DAB2IP: variants seen among roughly 807,000 people sequenced by gnomAD.
DAB2IP encodes the protein disabled homolog 2-interacting protein.
In DAB2IP, 28 loss-of-function variants were observed where a neutral mutation model predicts 107.2. That is an observed-to-expected ratio of 0.26 (90% CI 0.19 to 0.36). DAB2IP has a LOEUF of 0.36. DAB2IP is among the 10% of genes least tolerant of loss of function. DAB2IP has a pLI of 1.00. For synonymous variants in DAB2IP, 755 were observed against 706.4 expected, an observed-to-expected ratio of 1.07 and a Z score of -1.09; for missense variants, 1,400 against 1,644.7, an observed-to-expected ratio of 0.85 and a Z score of 2.57.
At chr9:121,625,514 G>A (rs563340964) in intron 1 of DAB2IP, among the ~76,000 whole-genome samples, 20 of 152,112 alleles carry the variant, frequency 1.3e-4, no homozygotes, top group Admixed American at 5.9e-4. Flanking sequence ...TGCCTGCCCC[G>A]GCCTCCCAGA....
chr9:121,713,069 G>A (rs1303683522), intron 3 of DAB2IP, among the ~76,000 whole-genome samples: 2 of 152,214 alleles, frequency 1.3e-5, no homozygotes, highest in African/African-American at 4.8e-5. Context: ...CAGCATTTAT[G>A]TGGCACCTTG....
intron 1 of DAB2IP, among the ~76,000 whole-genome samples, chr9:121,573,582 C>T (rs1206715655): frequency 6.6e-6 from 1 of 151,848 alleles, no homozygotes; most frequent in Non-Finnish European, 1.5e-5. Flanking sequence ...TGGGGTTTTG[C>T]CATGTGAGCA....
At chr9:121,601,281 A>G (rs1350928948) in intron 1 of DAB2IP, among the ~76,000 whole-genome samples, 1 of 152,202 alleles carries the variant, frequency 6.6e-6, no homozygotes, top group Non-Finnish European at 1.5e-5. Context: ...GTCACCTTCA[A>G]GATCACCTGG....
chr9:121,768,568 G>A (rs1272768392), exon 10 of DAB2IP: 4 of 1,613,988 alleles, frequency 2.5e-6, no homozygotes, highest in Non-Finnish European at 3.4e-6. Flanking sequence ...GGGCTACATC[G>A]ACCTGGGCCG....
intron 3 of DAB2IP, among the ~76,000 whole-genome samples, chr9:121,719,440 A>G (rs904983533): frequency 1.2e-4 from 18 of 152,188 alleles, no homozygotes; most frequent in African/African-American, 4.3e-4. Context: ...AGGGAACCCC[A>G]TGAGCCTAGT....
intron 8 of DAB2IP, among the ~76,000 whole-genome samples, chr9:121,764,867 G>T (rs573437763): frequency 1.3e-5 from 2 of 152,320 alleles, no homozygotes; most frequent in Admixed American, 1.3e-4. Flanking sequence ...ATCAGGATAG[G>T]GTTGTGCCTG....
intron 6 of DAB2IP, among the ~76,000 whole-genome samples, chr9:121,762,030 C>T (rs1412105143): frequency 1.3e-5 from 2 of 152,122 alleles, no homozygotes; most frequent in Non-Finnish European, 2.9e-5. Flanking sequence ...CCCAAAGGCC[C>T]TCAGTGGGAT....
At chr9:121,636,223 G>A (rs991986343) in intron 1 of DAB2IP, among the ~76,000 whole-genome samples, 1 of 152,058 alleles carries the variant, frequency 6.6e-6, no homozygotes, top group Non-Finnish European at 1.5e-5. Context: ...TGTCTTTTGG[G>A]GGTGGAACCA....
Position 121,736,545 on chromosome 9 carries a change from G to A in DAB2IP, c.363-20468G>A, listed in dbSNP as rs998482915. 5.3e-5 allele frequency among the ~76,000 whole-genome samples: 8 copies of A among 151,580 alleles called. No individual in the cohort carries two copies. Among genetic ancestry groups the A allele is most frequent in the Admixed American group, 3.3e-4 (5 of 15,260 alleles). ...AGGGCTGGGCCTACTGCTGTGGGGT[G>A]GGGGGCGGGTGGGAGGGCCCGGAGG... On this transcript the variant is annotated intron_variant, in intron 3 of 15. Coordinates refer to ENST00000408936, the Ensembl canonical transcript of DAB2IP. The surrounding 1 kb of genome is among the most constrained non-coding windows in gnomAD (Gnocchi z 4.6).
chr9:121,630,579 A>C (rs1292171342), intron 1 of DAB2IP, among the ~76,000 whole-genome samples: 2 of 148,098 alleles, frequency 1.4e-5, no homozygotes, highest in African/African-American at 5.0e-5. Flanking sequence ...ACACCCGGCT[A>C]ATTTTTGTAT....
chr9:121,621,644 T>C (rs2118995430), intron 1 of DAB2IP, among the ~76,000 whole-genome samples: 1 of 150,346 alleles, frequency 6.7e-6, no homozygotes, highest in Non-Finnish European at 1.5e-5. Context: ...TCCTTTTTTT[T>C]TTTTTTTTTT....
chr9:121,601,705 A>G (rs142139423), intron 1 of DAB2IP, among the ~76,000 whole-genome samples: 358 of 152,230 alleles, frequency 2.4e-3, no homozygotes, highest in African/African-American at 8.3e-3. Flanking sequence ...AAACAAACCC[A>G]TGAGGTTGAT....
chr9:121,697,237 G>T (rs1829472309), intron 2 of DAB2IP, among the ~76,000 whole-genome samples: 1 of 152,144 alleles, frequency 6.6e-6, no homozygotes. Context: ...CATCAATATT[G>T]CTCCAGAATG....
Position 121,776,641 on chromosome 9 carries a change from A to C in DAB2IP, c.3314+250A>C, listed in dbSNP as rs1835219353. Among the ~76,000 whole-genome samples, 2 of 152,164 alleles carry C rather than the reference A, an allele frequency of 1.3e-5. No homozygotes were observed. The highest frequency in any genetic ancestry group is 6.5e-5 in the Admixed American group (1 of 15,284). ...CTGGACCAATGACAGCTGGCTCCCG[A>C]CGGGCCTGAGCCTCTACAAGGAGCC... is the stretch of plus-strand genomic sequence containing the variant. On this transcript the variant is annotated intron_variant, in intron 14 of 15. Coordinates refer to ENST00000408936, the Ensembl canonical transcript of DAB2IP. This position sits in a 1 kb window ranked among gnomAD's most constrained non-coding sequence, Gnocchi z 5.4.
At chr9:121,769,973 G>A (rs1345892539) in intron 10 of DAB2IP, among the ~76,000 whole-genome samples, 1 of 152,232 alleles carries the variant, frequency 6.6e-6, no homozygotes, top group Non-Finnish European at 1.5e-5. Context: ...GCATAAACAG[G>A]TGAAGGCAGT....
chr9:121,709,136 G>C (rs1019872581), intron 3 of DAB2IP, among the ~76,000 whole-genome samples: 19 of 152,334 alleles, frequency 1.2e-4, no homozygotes, highest in African/African-American at 4.3e-4. Context: ...CTGAGCTTGA[G>C]ATTCTCTATT....
chr9:121,634,131 A>G lies in DAB2IP; in HGVS notation c.41-44547A>G, dbSNP rs1030499926. Among the ~76,000 whole-genome samples, 2 of 152,150 alleles carry G rather than the reference A, an allele frequency of 1.3e-5. No homozygotes were observed. Among genetic ancestry groups the G allele is most frequent in the African/African-American group, 4.8e-5 (2 of 41,410 alleles). ...GGACACAAAGGGACACAGTTCTTGA[A>G]GGGTCCTCCAGAGACCATGCCATGA... On this transcript the variant is annotated intron_variant, in intron 1 of 16. Coordinates refer to the DAB2IP transcript ENST00000259371. This position sits in a 1 kb window ranked among gnomAD's most constrained non-coding sequence, Gnocchi z 4.7.
chr9:121,782,405 C>T lies in DAB2IP; in HGVS notation c.3477C>T (p.Tyr1159=), dbSNP rs1430025249. The change falls in exon 16 of 16, where the codon TAC becomes TAT. Residue 1159 remains tyrosine (Y), a synonymous_variant. Coordinates refer to ENST00000408936, the Ensembl canonical transcript of DAB2IP. This position sits in a 1 kb window ranked among gnomAD's most constrained non-coding sequence, Gnocchi z 6.1. ...CCCTGACCCAGCTGAAAGAGAGGTA[C>T]AGCATGCAAGCCCGTAACGGCATCT... 1.9e-6 allele frequency: 3 copies of T among 1,614,104 alleles called. No individual in the cohort carries two copies. In the South Asian group the frequency reaches 3.3e-5, roughly 18 times the overall value.
chr9:121,759,194 CCT>C (rs926546073), intron 5 of DAB2IP, among the ~76,000 whole-genome samples, 198 bp downstream of exon 5: 3 of 152,154 alleles, frequency 2.0e-5, no homozygotes, highest in East Asian at 1.9e-4. Context: ...GTGCTGTGTG[CCT>C]CTGTTTTCTA....
Sources: gnomAD v4.1 joint callset for allele counts (sites outside exome capture counted in the v4.1 genomes callset) on GRCh38, gnomAD v4.1.1 for gene constraint, Gnocchi (gnomAD v3.1) non-coding constraint, MANE v1.5 for transcripts, NCBI Gene and HGNC (gene_info 2026-07-23, HGNC 2026-07-21) for gene names.